The following JPH1 variants were observed in gnomAD, a reference collection of about 807,000 sequenced individuals.
JPH1 encodes junctophilin-1.
Under a neutral mutation model 53.6 loss-of-function variants are expected in JPH1, and 12 were observed. The ratio of observed to expected loss-of-function variants is 0.22; its 90% CI spans 0.14 to 0.36. The LOEUF is 0.36. JPH1 is among the 10% of genes least tolerant of loss of function. The probability of loss-of-function intolerance (pLI) is 1.00; values close to 1 mark genes in which losing one functional copy is unlikely to be tolerated. For synonymous variants in JPH1, 375 were observed against 363.8 expected (o/e 1.03, Z -0.35); for missense variants, 808 against 905.5 (o/e 0.89, Z 1.38).
chr8:74,237,328 A>G, intron 4 of JPH1, 25 bp from the exon 5 acceptor site: 1 of 1,544,930 alleles, frequency 6.5e-7, no homozygotes, highest in Non-Finnish European at 8.9e-7. Context: ...GAACAAAGTA[A>G]CTATAACTTC....
chr8:74,240,779 G>A (rs1203095250), intron 4 of JPH1, among the ~76,000 whole-genome samples: 2 of 152,218 alleles, frequency 1.3e-5, no homozygotes, highest in African/African-American at 4.8e-5. Flanking sequence ...CCAGGAAAGT[G>A]AAATAGCAGA....
At chr8:74,265,413 A>G (rs1165632013) in intron 2 of JPH1, among the ~76,000 whole-genome samples, 1 of 152,230 alleles carries the variant, frequency 6.6e-6, no homozygotes, top group Non-Finnish European at 1.5e-5. Context: ...TTCTCCAGAT[A>G]GGACAGATCA....
intron 2 of JPH1, among the ~76,000 whole-genome samples, chr8:74,283,850 C>A (rs1807083575): frequency 6.6e-6 from 1 of 152,122 alleles, no homozygotes; most frequent in Non-Finnish European, 1.5e-5. Flanking sequence ...GCTCCTTTTT[C>A]TTTTTATAAA....
chr8:74,272,937 T>C (rs1164198338), intron 2 of JPH1, among the ~76,000 whole-genome samples: 1 of 152,188 alleles, frequency 6.6e-6, no homozygotes, highest in African/African-American at 2.4e-5. Context: ...CAAATATACC[T>C]TCTTGCAAGT....
In JPH1 at chr8:74,321,379, G is replaced by T; in HGVS notation, c.-92C>A. 7.7e-7 allele frequency: 1 copy of T among 1,290,690 alleles called. No homozygotes were observed. Among genetic ancestry groups the T allele is most frequent in the Non-Finnish European group, 1.0e-6 (1 of 990,244 alleles). 80.0% of individuals were successfully genotyped at this position (1,290,690 alleles called of 1,614,324 possible). ...TGTAGCTCGGGGGTGGGGGCCCGGC[G>T]GGCGAGCTCACGACAGCGCCCTGGG... On this transcript the variant is annotated 5_prime_UTR_variant, in exon 1 of 6. Transcript: ENST00000342232. The surrounding 1 kb of genome is among the most constrained non-coding windows in gnomAD (Gnocchi z 4.3).
rs141649920 is a variant in JPH1, at chr8:74,245,165, G to A, written c.1269C>T (p.Tyr423=). 3.5e-5 allele frequency: 56 copies of A among 1,578,884 alleles called. No individual in the cohort carries two copies. In the East Asian group the frequency reaches 1.0e-3, roughly 29 times the overall value. ...CACCTTCCTGAAATCTCTGTTTGAC[G>A]TAATCAGGGCCTGGCCAAAAAAAAA... ...SPDFYQPGPD[Y]VKQRFQEGVD... is the part of the protein sequence containing the mutation. The change falls in exon 4 of 6, where the codon TAC becomes TAT. Residue 423 remains tyrosine, a synonymous_variant. Transcript: ENST00000342232.
chr8:74,316,061 T>C (rs2131467095), intron 1 of JPH1, among the ~76,000 whole-genome samples: 1 of 152,314 alleles, frequency 6.6e-6, no homozygotes, highest in Non-Finnish European at 1.5e-5. Context: ...AAAAATGACT[T>C]TTAGGTCTAT....
intron 4 of JPH1, among the ~76,000 whole-genome samples, chr8:74,242,892 A>G (rs183115948): frequency 1.3e-5 from 2 of 152,348 alleles, no homozygotes; most frequent in African/African-American, 4.8e-5. Context: ...CTAAATGAGG[A>G]GGCTGTGAAT....
At chr8:74,237,455 A>C in intron 4 of JPH1, 152 bp from the exon 5 acceptor site, 6 of 617,188 alleles carry the variant, frequency 9.7e-6, no homozygotes, top group East Asian at 2.8e-5. Flanking sequence ...GTAGACTAAA[A>C]ACGGCAATGC....
chr8:74,294,293 A>G (rs1319413687), intron 2 of JPH1, among the ~76,000 whole-genome samples: 1 of 152,178 alleles, frequency 6.6e-6, no homozygotes, highest in Non-Finnish European at 1.5e-5. Context: ...GCTGAGTAAT[A>G]AAACTGATAA....
chr8:74,253,200 C>G lies in JPH1; in HGVS notation c.1258+6185G>C, dbSNP rs953334548. On this transcript the variant is annotated intron_variant, in intron 3 of 5. Transcript: ENST00000342232. Reference sequence around the variant, plus strand: ...AAATTATAACAAACTATCTCTCAGACCACAGTGCAATCAAACTAGAACTCA... The same window carrying G: ...AAATTATAACAAACTATCTCTCAGAGCACAGTGCAATCAAACTAGAACTCA... Among the ~76,000 whole-genome samples the G allele has an allele frequency of 1.4e-4, 21 of 152,138 alleles. 1 individual carries two copies. Among genetic ancestry groups the G allele is most frequent in the Non-Finnish European group, 1.8e-4 (12 of 68,036 alleles).
chr8:74,276,881 C>T (rs1806864518), intron 2 of JPH1, among the ~76,000 whole-genome samples: 1 of 152,166 alleles, frequency 6.6e-6, no homozygotes, highest in East Asian at 1.9e-4. Context: ...TACAGTTCTC[C>T]TTATTGTATG....
At chr8:74,312,105 G>A (rs981067335) in intron 2 of JPH1, among the ~76,000 whole-genome samples, 2 of 152,128 alleles carry the variant, frequency 1.3e-5, no homozygotes, top group Non-Finnish European at 2.9e-5. Context: ...CAAGGAATCT[G>A]GGAAAAGGAC....
At chr8:74,267,445 T>C (rs1806566446) in intron 2 of JPH1, among the ~76,000 whole-genome samples, 2 of 152,228 alleles carry the variant, frequency 1.3e-5, no homozygotes, top group Admixed American at 1.3e-4. Context: ...GGGCCAGATC[T>C]GAATTTGCCT....
chr8:74,238,741 T>C (rs1221362903), intron 4 of JPH1, among the ~76,000 whole-genome samples: 3 of 152,334 alleles, frequency 2.0e-5, no homozygotes, highest in Non-Finnish European at 4.4e-5. Context: ...CATCGCAGCC[T>C]TGACCTCCCA....
At chr8:74,308,494 G>A (rs1478368860) in intron 2 of JPH1, among the ~76,000 whole-genome samples, 1 of 152,238 alleles carries the variant, frequency 6.6e-6, no homozygotes, top group Non-Finnish European at 1.5e-5. Context: ...AGCACTGGCA[G>A]TGGTAATTCC....
chr8:74,293,329 A>T (rs543686608), intron 2 of JPH1, among the ~76,000 whole-genome samples: 1 of 152,324 alleles, frequency 6.6e-6, no homozygotes, highest in Admixed American at 6.5e-5. Context: ...ACCCCATAAG[A>T]GTAAGAGCTC....
intron 2 of JPH1, among the ~76,000 whole-genome samples, chr8:74,295,775 G>A (rs903370370): frequency 6.6e-6 from 1 of 152,046 alleles, no homozygotes; most frequent in Non-Finnish European, 1.5e-5. Context: ...TGGGTCTCTC[G>A]GGTTCTTGCT....
At chr8:74,238,350 G>A (rs1002819460) in intron 4 of JPH1, among the ~76,000 whole-genome samples, 2 of 152,116 alleles carry the variant, frequency 1.3e-5, no homozygotes, top group East Asian at 3.9e-4. Context: ...TAATCAATTC[G>A]GGTCTAGGGT....
Sources: allele counts gnomAD v4.1 joint callset (sites outside exome capture counted in the v4.1 genomes callset), GRCh38; gene constraint gnomAD v4.1.1; non-coding constraint Gnocchi (gnomAD v3.1); transcripts MANE v1.5; gene names NCBI Gene and HGNC (gene_info 2026-07-23, HGNC 2026-07-21).